Variants in MGST1 observed in about 807,000 individuals in gnomAD.
MGST1 encodes the protein microsomal glutathione S-transferase 1, also known as glutathione S-transferase 12.
Under a neutral mutation model 8.9 loss-of-function variants are expected in MGST1, and 5 were observed. The observed-to-expected ratio is 0.56, with a 90% CI of 0.29 to 1.19. The LOEUF (loss-of-function observed/expected upper bound fraction) is 1.19. Ranked by LOEUF, MGST1 falls within the 50% of genes most tolerant of loss-of-function variation. The pLI is 0.08. For missense variants in MGST1, 182 were observed against 187.4 expected (o/e 0.97, Z 0.17); for synonymous variants, 54 against 67.8 (o/e 0.80, Z 1.00).
intron 4 of MGST1, among the ~76,000 whole-genome samples, chr12:16,445,609 T>A (rs547522739): frequency 2.9e-4 from 44 of 152,110 alleles, no homozygotes; most frequent in African/African-American, 1.0e-3. Flanking sequence ...ATTTTGGTCC[T>A]CTTTCTTGAT....
At chr12:16,357,353 G>A (rs1398519166) in intron 2 of MGST1, among the ~76,000 whole-genome samples, 2 of 151,970 alleles carry the variant, frequency 1.3e-5, no homozygotes, top group Admixed American at 6.6e-5. Context: ...TCAACCTCTC[G>A]GGCTCAGGTG....
intron 1 of MGST1, among the ~76,000 whole-genome samples, chr12:16,398,144 A>G (rs1175450666): frequency 6.6e-6 from 1 of 151,892 alleles, no homozygotes; most frequent in Non-Finnish European, 1.5e-5. Context: ...TCCAAAATTG[A>G]AAACATCAAG....
chr12:16,479,466 C>T (rs1198233430), intron 4 of MGST1, among the ~76,000 whole-genome samples: 2 of 151,060 alleles, frequency 1.3e-5, no homozygotes, highest in African/African-American at 4.9e-5. Flanking sequence ...CATCTCCTGA[C>T]CTCATGATCT....
chr12:16,413,045 C>T lies in MGST1; in HGVS notation n.779-24343C>T, dbSNP rs988638556. ...AGAGTAGGGAACTCCTCAGTCCACC[C>T]CACCTGTCCTGGATGGTGATAGTGA... is the stretch of plus-strand genomic sequence containing the variant. On this transcript the variant is annotated intron_variant and non_coding_transcript_variant, in intron 1 of 1. Transcript: ENST00000359720. The surrounding 1 kb of genome is among the most constrained non-coding windows in gnomAD (Gnocchi z 4.0). Among the ~76,000 whole-genome samples, 25 of 152,018 alleles carry T rather than the reference C, an allele frequency of 1.6e-4. No individual in the cohort carries two copies. The highest frequency in any genetic ancestry group is 5.1e-4 in the African/African-American group (21 of 41,388).
chr12:16,396,328 A>T (rs1940604952), intron 1 of MGST1, among the ~76,000 whole-genome samples: 1 of 152,198 alleles, frequency 6.6e-6, no homozygotes, highest in Admixed American at 6.5e-5. Flanking sequence ...CAGCTAACAT[A>T]ATGCTGAATG....
chr12:16,354,041 A>G (rs149115779), intron 1 of MGST1, among the ~76,000 whole-genome samples, 190 bp from the exon 2 acceptor site: 77 of 152,248 alleles, frequency 5.1e-4, no homozygotes, highest in African/African-American at 1.8e-3. Context: ...ATTAACAGGT[A>G]TAAGCCACTG....
chr12:16,350,394 A>G (rs1368109262), intron 1 of MGST1, among the ~76,000 whole-genome samples: 1 of 152,252 alleles, frequency 6.6e-6, no homozygotes, highest in Non-Finnish European at 1.5e-5. Context: ...AATATTTTCT[A>G]TAATTCATAA....
chr12:16,392,837 AT>A (rs1316877045), intron 1 of MGST1, among the ~76,000 whole-genome samples: 1 of 152,142 alleles, frequency 6.6e-6, no homozygotes, highest in Non-Finnish European at 1.5e-5. Flanking sequence ...TGAAATATAC[AT>A]TTTTGTATAT....
chr12:16,388,027 A>T (rs1203448374), intron 1 of MGST1, among the ~76,000 whole-genome samples: 1 of 152,032 alleles, frequency 6.6e-6, no homozygotes, highest in African/African-American at 2.4e-5. Context: ...TGATGTTTTC[A>T]CAAAGATAAA....
rs1941591988 is a variant in MGST1, at chr12:16,513,678, T to C, written n.483-75850T>C. ...ATTTGGACGAGGACTACCTCTCCAT[T>C]GGGCGGCTGGCTGAATTTTGCAAGG... is the stretch of plus-strand genomic sequence containing the variant. On this transcript the variant is annotated intron_variant and non_coding_transcript_variant, in intron 4 of 4. Coordinates refer to the MGST1 transcript ENST00000538857. This position sits in a 1 kb window ranked among gnomAD's most constrained non-coding sequence, Gnocchi z 4.2. 2 of 525,142 alleles carry C rather than the reference T, an allele frequency of 3.8e-6. No individual in the cohort carries two copies. Among genetic ancestry groups the C allele is most frequent in the Non-Finnish European group, 7.7e-6 (2 of 260,222 alleles). 32.5% of individuals were successfully genotyped at this position (525,142 alleles called of 1,614,324 possible). A position where few individuals can be genotyped will look rare whatever the true frequency, so the allele number is the denominator to read the frequency against.
chr12:16,554,954 G>A (rs1942139078), intron 4 of MGST1, among the ~76,000 whole-genome samples: 1 of 152,164 alleles, frequency 6.6e-6, no homozygotes, highest in African/African-American at 2.4e-5. Flanking sequence ...TAGCCACCGC[G>A]CCCGGCCAGG....
chr12:16,435,263 G>A (rs1940974559), intron 1 of MGST1, among the ~76,000 whole-genome samples: 1 of 151,728 alleles, frequency 6.6e-6, no homozygotes, highest in African/African-American at 2.4e-5. Context: ...AAATACAAAT[G>A]AATATATATT....
intron 4 of MGST1, chr12:16,514,480 C>T: frequency 3.9e-6 from 1 of 253,472 alleles, no homozygotes; most frequent in Non-Finnish European, 8.0e-6. Flanking sequence ...GAGGGTTCTA[C>T]CCACTACTGG....
chr12:16,491,173 G>T (rs1941435696), intron 4 of MGST1, among the ~76,000 whole-genome samples: 1 of 152,142 alleles, frequency 6.6e-6, no homozygotes, highest in African/African-American at 2.4e-5. Context: ...CTAACATTAA[G>T]TAGATCTGTT....
chr12:16,559,162 G>A lies in MGST1; in HGVS notation n.483-30366G>A, dbSNP rs1472402028. Among the ~76,000 whole-genome samples, 1 of 152,158 alleles carries A rather than the reference G, an allele frequency of 6.6e-6. No homozygotes were observed. Among genetic ancestry groups the A allele is most frequent in the East Asian group, 1.9e-4 (1 of 5,198 alleles). ...TTATTGATTATATACTCTGCCAGGT[G>A]TTCTCACAGAAAGTCAGTGAATTCA... On this transcript the variant is annotated intron_variant and non_coding_transcript_variant, in intron 4 of 4. Transcript: ENST00000538857. The surrounding 1 kb of genome is among the most constrained non-coding windows in gnomAD (Gnocchi z 4.1).
rs904909333 is a variant in MGST1, at chr12:16,389,251, G to A, written n.778+5647G>A. 2.0e-5 allele frequency among the ~76,000 whole-genome samples: 3 copies of A among 152,108 alleles called. No homozygotes were observed. The highest frequency in any genetic ancestry group is 4.8e-5 in the African/African-American group (2 of 41,406). ...TTCACAAACTGAAAAGAAATAGTTT[G>A]TTTACTCGATGCATCAACAGTTTGT... On this transcript the variant is annotated intron_variant and non_coding_transcript_variant, in intron 1 of 1. Transcript: ENST00000359720. This position sits in a 1 kb window ranked among gnomAD's most constrained non-coding sequence, Gnocchi z 4.6.
downstream of MGST1, among the ~76,000 whole-genome samples, chr12:16,440,137 TTTAAA>T (rs898159182): frequency 2.0e-5 from 3 of 151,808 alleles, no homozygotes; most frequent in Admixed American, 6.6e-5. Context: ...TAATTCCTAA[TTTAAA>T]TAGAGTAGAA....
At chr12:16,484,265 G>A (rs1304971057) in intron 4 of MGST1, among the ~76,000 whole-genome samples, 2 of 152,160 alleles carry the variant, frequency 1.3e-5, no homozygotes, top group African/African-American at 4.8e-5. Context: ...TGGTTCAGGA[G>A]CTAGAATCTA....
chr12:16,518,346 A>T (rs1941627440), intron 4 of MGST1, among the ~76,000 whole-genome samples: 1 of 152,176 alleles, frequency 6.6e-6, no homozygotes, highest in Non-Finnish European at 1.5e-5. Flanking sequence ...CCTGTTCAGC[A>T]TTCAGGCCTT....
Sources: allele counts gnomAD v4.1 joint callset (sites outside exome capture counted in the v4.1 genomes callset), GRCh38; gene constraint gnomAD v4.1.1; non-coding constraint Gnocchi (gnomAD v3.1); transcripts MANE v1.5; gene names NCBI Gene and HGNC (gene_info 2026-07-23, HGNC 2026-07-21).